RFTN1: variants seen among roughly 807,000 people sequenced by gnomAD.
RFTN1 encodes the protein raftlin.
A neutral mutation model predicts 46.5 loss-of-function variants in RFTN1; 26 were observed. The ratio of observed to expected loss-of-function variants is 0.56; its 90% CI spans 0.41 to 0.78. The LOEUF (loss-of-function observed/expected upper bound fraction) is 0.78. Ranked by LOEUF, RFTN1 falls within the 30% of genes least tolerant of loss-of-function variation. The probability of loss-of-function intolerance (pLI) is 0.00; values close to 1 mark genes in which losing one functional copy is unlikely to be tolerated. For synonymous variants in RFTN1, 261 were observed against 284.2 expected (o/e 0.92, Z 0.82); for missense variants, 693 against 718.7 (o/e 0.96, Z 0.41).
chr3:16,364,135 A>T (rs957649399), intron 6 of RFTN1, among the ~76,000 whole-genome samples: 2 of 152,224 alleles, frequency 1.3e-5, no homozygotes, highest in Admixed American at 6.5e-5. Context: ...TAGAAAAGAT[A>T]TTACTCCTCT....
chr3:16,494,060 T>C (rs1357862161), intron 1 of RFTN1, among the ~76,000 whole-genome samples, 183 bp from the exon 2 acceptor site: 1 of 152,174 alleles, frequency 6.6e-6, no homozygotes, highest in Non-Finnish European at 1.5e-5. Context: ...GTACTCAGGC[T>C]GGCTTCTCCT....
At position 16,459,918 on chromosome 3, in the gene RFTN1, G is replaced by A. The variant is rs1428340293; in HGVS notation, c.146-25881C>T. 6.6e-6 allele frequency among the ~76,000 whole-genome samples: 1 copy of A among 152,068 alleles called. No homozygotes were observed. The highest frequency in any genetic ancestry group is 6.5e-5 in the Admixed American group (1 of 15,268). ...TATTTGACATTTGCAAACTAAACTG[G>A]AAAACTAAGAAAATTAAATGTGATT... On this transcript the variant is annotated intron_variant, in intron 2 of 9. Coordinates refer to ENST00000334133, the MANE Select transcript of RFTN1 (RefSeq NM_015150.2). The surrounding 1 kb of genome is among the most constrained non-coding windows in gnomAD (Gnocchi z 4.2).
intron 9 of RFTN1, among the ~76,000 whole-genome samples, chr3:16,319,252 G>T (rs1027712304): frequency 6.6e-6 from 1 of 152,202 alleles, no homozygotes; most frequent in Non-Finnish European, 1.5e-5. Context: ...CCGAGAGGCA[G>T]TTGGCTCTCA....
rs888239554 is a variant in RFTN1 at position 16,426,269 on chromosome 3, G to A, written c.332+7582C>T. ...CCCAGTAGGCGCTACCACCCCCTGT[G>A]TATTTCGCTTAATTATGAAACCTCT... On this transcript the variant is annotated intron_variant, in intron 3 of 9. Coordinates refer to ENST00000334133, the MANE Select transcript of RFTN1 (RefSeq NM_015150.2). This position sits in a 1 kb window ranked among gnomAD's most constrained non-coding sequence, Gnocchi z 5.9. Among the ~76,000 whole-genome samples the A allele has an allele frequency of 6.6e-6, 1 of 152,110 alleles. No homozygotes were observed. Among genetic ancestry groups the A allele is most frequent in the African/African-American group, 2.4e-5 (1 of 41,420 alleles).
intron 9 of RFTN1, among the ~76,000 whole-genome samples, chr3:16,318,169 G>A (rs937343257): frequency 1.3e-5 from 2 of 151,916 alleles, no homozygotes; most frequent in African/African-American, 2.4e-5. Flanking sequence ...ACCCGAGAGC[G>A]AGCCCCAGCT....
chr3:16,350,646 T>A (rs921355078), intron 7 of RFTN1, among the ~76,000 whole-genome samples: 2 of 152,186 alleles, frequency 1.3e-5, no homozygotes, highest in African/African-American at 4.8e-5. Context: ...TCTGACTTCC[T>A]CGTTACTCAC....
At chr3:16,412,847 G>C (rs539378825) in intron 3 of RFTN1, among the ~76,000 whole-genome samples, 3 of 152,212 alleles carry the variant, frequency 2.0e-5, no homozygotes, top group Non-Finnish European at 2.9e-5. Context: ...CTGGCCAACA[G>C]CTGCAAGAAA....
chr3:16,336,723 T>C lies in RFTN1; in HGVS notation c.1147-9847A>G, dbSNP rs1018350526. Among the ~76,000 whole-genome samples the C allele has an allele frequency of 5.9e-5, 9 of 152,128 alleles. No homozygotes were observed. Among genetic ancestry groups the C allele is most frequent in the African/African-American group, 2.2e-4 (9 of 41,422 alleles). ...CAGAAAAGGGTCAGAGGAAAATACA[T>C]GTAGTGCATAAAAAGCTTCAGTTCT... On this transcript the variant is annotated intron_variant, in intron 7 of 9. Transcript: ENST00000334133. This position sits in a 1 kb window ranked among gnomAD's most constrained non-coding sequence, Gnocchi z 6.0.
intron 5 of RFTN1, among the ~76,000 whole-genome samples, chr3:16,371,347 G>A (rs1194079514): frequency 6.6e-6 from 1 of 152,154 alleles, no homozygotes; most frequent in African/African-American, 2.4e-5. Context: ...ACAATGTTTT[G>A]TGGTATCCAA....
At chr3:16,369,613 TGTGTGTCTCA>T (rs1173724183) in intron 6 of RFTN1, among the ~76,000 whole-genome samples, 1 of 152,196 alleles carries the variant, frequency 6.6e-6, no homozygotes, top group African/African-American at 2.4e-5. Flanking sequence ...CTGGGAACAG[TGTGTGTCTCA>T]GTGGAGCTTA....
At chr3:16,496,769 C>T (rs1430397683) in intron 1 of RFTN1, among the ~76,000 whole-genome samples, 2 of 152,092 alleles carry the variant, frequency 1.3e-5, no homozygotes, top group South Asian at 2.1e-4. Flanking sequence ...TCGAAAGACA[C>T]GTATGAGAAA....
rs1464652897 is a variant in RFTN1, at chr3:16,424,250, A to G, written c.332+9601T>C. 6.6e-6 allele frequency among the ~76,000 whole-genome samples: 1 copy of G among 152,160 alleles called. No individual in the cohort carries two copies. The stretch of plus-strand genomic sequence containing the variant: ...AAGATGGAACTTGAGTTCTATATTC[A>G]CCACACACTCCCATTACCCACTCCA... On this transcript the variant is annotated intron_variant, in intron 3 of 9. Transcript: ENST00000334133. This position sits in a 1 kb window ranked among gnomAD's most constrained non-coding sequence, Gnocchi z 4.7.
rs998162115 is a variant in RFTN1, at chr3:16,457,523, A to G, written c.146-23486T>C. The stretch of plus-strand genomic sequence containing the variant: ...CAAGGCATCCCAAAAGTCTCAATAC[A>G]GTTTTATGCTGAAATTTCAGAAATA... On this transcript the variant is annotated intron_variant, in intron 2 of 9. Transcript: ENST00000334133. This position sits in a 1 kb window ranked among gnomAD's most constrained non-coding sequence, Gnocchi z 4.2. Among the ~76,000 whole-genome samples, 5 of 152,216 alleles carry G rather than the reference A, an allele frequency of 3.3e-5. No individual in the cohort carries two copies. The highest frequency in any genetic ancestry group is 1.2e-4 in the African/African-American group (5 of 41,460).
chr3:16,467,122 A>G (rs1052301476), intron 2 of RFTN1, among the ~76,000 whole-genome samples: 3 of 152,208 alleles, frequency 2.0e-5, no homozygotes, highest in African/African-American at 4.8e-5. Flanking sequence ...GTAGAAGGAA[A>G]TCATGATCGT....
chr3:16,494,875 T>C (rs1299880713), intron 1 of RFTN1, among the ~76,000 whole-genome samples: 3 of 152,224 alleles, frequency 2.0e-5, no homozygotes, highest in Admixed American at 2.0e-4. Context: ...CAGCCAAGAA[T>C]ATCACACACA....
At chr3:16,324,916 G>A (rs1253828164) in intron 8 of RFTN1, among the ~76,000 whole-genome samples, 2 of 151,614 alleles carry the variant, frequency 1.3e-5, no homozygotes, top group African/African-American at 4.9e-5. Context: ...TTCCATAATG[G>A]CTATATTAAT....
At chr3:16,470,230 G>GCACACACA (rs200435969) in intron 2 of RFTN1, among the ~76,000 whole-genome samples, 5,828 of 148,874 alleles carry the variant, frequency 0.039, 131 homozygotes, top group Middle Eastern at 0.059. Flanking sequence ...CTGCACACAC[G>GCACACACA]CACACACACA....
intron 2 of RFTN1, among the ~76,000 whole-genome samples, chr3:16,491,832 G>C (rs1380821179): frequency 6.6e-6 from 1 of 151,474 alleles, no homozygotes; most frequent in African/African-American, 2.4e-5. Flanking sequence ...CAACATCTCA[G>C]CATCCTAATA....
rs551613359 is a variant in RFTN1, at chr3:16,321,592, C to T, written c.1332+1784G>A. ...CCAAGGAGTCTGGCTGTGAAGCCCC[C>T]CTCTCTGGAGGACTCCCATCTGTGA... On this transcript the variant is annotated intron_variant, in intron 9 of 9. Coordinates refer to ENST00000334133, the MANE Select transcript of RFTN1 (RefSeq NM_015150.2). This position sits in a 1 kb window ranked among gnomAD's most constrained non-coding sequence, Gnocchi z 4.8. 2.6e-5 allele frequency among the ~76,000 whole-genome samples: 4 copies of T among 152,260 alleles called. No individual in the cohort carries two copies. In the East Asian group the frequency reaches 7.7e-4, roughly 29 times the overall value.
Sources: allele counts gnomAD v4.1 joint callset (sites outside exome capture counted in the v4.1 genomes callset), GRCh38; gene constraint gnomAD v4.1.1; non-coding constraint Gnocchi (gnomAD v3.1); transcripts MANE v1.5; gene names NCBI Gene and HGNC (gene_info 2026-07-23, HGNC 2026-07-21).